The following SMIM3 variants were observed in gnomAD, a reference collection of about 807,000 sequenced individuals.
SMIM3 encodes the protein NGF-induced differentiation clone 67 protein.
SMIM3 carries 4 observed loss-of-function variants against 2.1 expected under a neutral mutation model. The ratio of observed to expected loss-of-function variants is 1.89; its 90% CI spans 0.93 to 4.31. The LOEUF is 4.31. Ranked by LOEUF, SMIM3 falls within the 30% of genes most tolerant of loss-of-function variation. SMIM3 has a pLI of 0.01. For synonymous variants in SMIM3, 29 were observed against 30.8 expected (o/e 0.94, Z 0.19); for missense variants, 79 against 77.7 (o/e 1.02, Z -0.06).
chr5:150,781,791 A>G (rs17111358), intron 1 of SMIM3, among the ~76,000 whole-genome samples: 21,938 of 152,168 alleles, frequency 0.14, 2,848 homozygotes, highest in African/African-American at 0.34. Flanking sequence ...CCTCTCATGG[A>G]CAGTCTCCTT....
At chr5:150,782,299 A>G (rs1753244034) in intron 1 of SMIM3, among the ~76,000 whole-genome samples, 1 of 152,142 alleles carries the variant, frequency 6.6e-6, no homozygotes, top group South Asian at 2.1e-4. Context: ...CAGTGGGAGG[A>G]GAAATACTTC....
intron 1 of SMIM3, among the ~76,000 whole-genome samples, chr5:150,791,487 T>A (rs573302754): frequency 3.7e-4 from 56 of 152,290 alleles, no homozygotes; most frequent in African/African-American, 1.3e-3. Flanking sequence ...AGCTTCCATA[T>A]ATAAATGAGA....
At chr5:150,786,190 TC>T (rs764308118) in intron 1 of SMIM3, among the ~76,000 whole-genome samples, 3 of 152,228 alleles carry the variant, frequency 2.0e-5, no homozygotes, top group Non-Finnish European at 4.4e-5. Context: ...ACTAATTCTC[TC>T]TTTTACTATG....
chr5:150,786,041 C>T (rs1039542450), intron 1 of SMIM3, among the ~76,000 whole-genome samples: 2 of 152,114 alleles, frequency 1.3e-5, no homozygotes, highest in Non-Finnish European at 2.9e-5. Flanking sequence ...TTTTCTCCTT[C>T]TGATACTCCA....
chr5:150,788,633 C>CA (rs765111003), intron 1 of SMIM3, among the ~76,000 whole-genome samples: 22,581 of 79,570 alleles, frequency 0.28, 4,402 homozygotes, highest in African/African-American at 0.57. Flanking sequence ...GACTGTGTCT[C>CA]AAAAAAAAAA....
intron 1 of SMIM3, among the ~76,000 whole-genome samples, chr5:150,781,674 C>T (rs1045616153): frequency 6.6e-6 from 1 of 152,180 alleles, no homozygotes; most frequent in Non-Finnish European, 1.5e-5. Context: ...TTTCCACACA[C>T]ATGAGGCTGA....
intron 1 of SMIM3, among the ~76,000 whole-genome samples, chr5:150,779,963 C>T (rs886471735): frequency 6.6e-6 from 1 of 151,960 alleles, no homozygotes; most frequent in Non-Finnish European, 1.5e-5. Context: ...CACCTGGGGG[C>T]TGAGGAGTCT....
At chr5:150,791,157 A>C (rs1385904959) in intron 1 of SMIM3, among the ~76,000 whole-genome samples, 1 of 152,184 alleles carries the variant, frequency 6.6e-6, no homozygotes, top group Non-Finnish European at 1.5e-5. Flanking sequence ...GTACACTCAG[A>C]AAGTAATTTT....
chr5:150,796,151 T>C lies in SMIM3; in HGVS notation c.*528T>C, dbSNP rs999284290. On this transcript the variant is annotated 3_prime_UTR_variant, in exon 2 of 2. Transcript: ENST00000526627. ...CTTCATGTTTTCTCAGTTTGGAGGG[T>C]GATGGGTAGAGCTTTCCAGAACCTT... 1 of 157,374 alleles carries C rather than the reference T, an allele frequency of 6.4e-6. No homozygotes were observed. Among genetic ancestry groups the C allele is most frequent in the African/African-American group, 2.4e-5 (1 of 41,424 alleles). 9.7% of individuals were successfully genotyped at this position (157,374 alleles called of 1,614,324 possible). A position where few individuals can be genotyped will look rare whatever the true frequency, so the allele number is the denominator to read the frequency against.
intron 1 of SMIM3, among the ~76,000 whole-genome samples, chr5:150,781,820 C>A (rs1753236570): frequency 6.6e-6 from 1 of 152,218 alleles, no homozygotes; most frequent in Non-Finnish European, 1.5e-5. Flanking sequence ...CGACACACAG[C>A]AGGCACTTAG....
At chr5:150,782,659 A>G (rs1318481822) in intron 1 of SMIM3, among the ~76,000 whole-genome samples, 1 of 152,228 alleles carries the variant, frequency 6.6e-6, no homozygotes, top group Non-Finnish European at 1.5e-5. Context: ...AAGAGCCCAG[A>G]AAATGATAAA....
At chr5:150,781,023 G>C (rs1753227477) in intron 1 of SMIM3, among the ~76,000 whole-genome samples, 1 of 152,158 alleles carries the variant, frequency 6.6e-6, no homozygotes, top group Non-Finnish European at 1.5e-5. Flanking sequence ...CATTTTACTT[G>C]TATTAACTCA....
intron 1 of SMIM3, among the ~76,000 whole-genome samples, chr5:150,788,264 A>T (rs1305337486): frequency 6.6e-6 from 1 of 152,188 alleles, no homozygotes; most frequent in Non-Finnish European, 1.5e-5. Flanking sequence ...GTAAAATTTG[A>T]TGTTTCCTAA....
chr5:150,782,237 G>T lies in SMIM3; in HGVS notation c.-12+3265G>T, dbSNP rs76698289. ...CTCTGGCCCCTTTATTTGGACCAAA[G>T]GTCCCTGGTGAAATGACTGTGCTGG... On this transcript the variant is annotated intron_variant, in intron 1 of 1. Transcript: ENST00000526627. Among the ~76,000 whole-genome samples the T allele has an allele frequency of 4.6e-5, 7 of 152,304 alleles. No homozygotes were observed. The East Asian group carries it at 1.3e-3, about 29-fold the overall frequency.
chr5:150,781,066 A>G (rs1331396939), intron 1 of SMIM3, among the ~76,000 whole-genome samples: 1 of 152,190 alleles, frequency 6.6e-6, no homozygotes, highest in Non-Finnish European at 1.5e-5. Flanking sequence ...TTAGGGAGGG[A>G]CTGTCATCAC....
At chr5:150,786,165 T>A (rs1029617259) in intron 1 of SMIM3, among the ~76,000 whole-genome samples, 1 of 152,218 alleles carries the variant, frequency 6.6e-6, no homozygotes, top group African/African-American at 2.4e-5. Context: ...TTTCCCCTGA[T>A]CTTTTTTCCA....
chr5:150,784,652 C>G (rs905756256), intron 1 of SMIM3, among the ~76,000 whole-genome samples: 6 of 152,172 alleles, frequency 3.9e-5, no homozygotes, highest in Admixed American at 6.5e-5. Flanking sequence ...CATGGTTACA[C>G]GGTGTTTCAT....
intron 1 of SMIM3, among the ~76,000 whole-genome samples, chr5:150,783,261 A>C (rs1753255038): frequency 6.6e-6 from 1 of 152,168 alleles, no homozygotes; most frequent in Non-Finnish European, 1.5e-5. Context: ...CCCATCTAGG[A>C]ACTTGAATTG....
At chr5:150,783,829 T>G (rs1160279348) in intron 1 of SMIM3, among the ~76,000 whole-genome samples, 1 of 152,096 alleles carries the variant, frequency 6.6e-6, no homozygotes, top group African/African-American at 2.4e-5. Flanking sequence ...TTAAAAAAAC[T>G]TTTCACTGTG....
Sources: allele counts gnomAD v4.1 joint callset (sites outside exome capture counted in the v4.1 genomes callset), GRCh38; gene constraint gnomAD v4.1.1; transcripts MANE v1.5; gene names NCBI Gene and HGNC (gene_info 2026-07-23, HGNC 2026-07-21).